Variants in BRCC3 observed in about 807,000 individuals in gnomAD.
BRCC3 encodes lys-63-specific deubiquitinase BRCC36.
BRCC3 carries 15 observed loss-of-function variants against 28.0 expected under a neutral mutation model. That is an observed-to-expected ratio of 0.54 (90% CI 0.36 to 0.82). The LOEUF is 0.82. BRCC3 is among the 40% of genes least tolerant of loss of function. The probability of loss-of-function intolerance (pLI) is 0.01; values close to 1 mark genes in which losing one functional copy is unlikely to be tolerated. For missense variants in BRCC3, 109 were observed against 225.9 expected, an observed-to-expected ratio of 0.48 and a Z score of 3.32; for synonymous variants, 66 against 80.3, an observed-to-expected ratio of 0.82 and a Z score of 0.95.
intron 7 of BRCC3, among the ~76,000 whole-genome samples, chrX:155,094,134 A>G (rs2074193790): frequency 9.1e-6 from 1 of 110,404 alleles, no homozygotes; most frequent in East Asian, 2.8e-4. Flanking sequence ...GTGGTAGCTC[A>G]TTATTTGTGG....
chrX:155,079,387 C>A (rs1261686003), intron 5 of BRCC3, among the ~76,000 whole-genome samples: 5 of 111,722 alleles, frequency 4.5e-5, no homozygotes, highest in Non-Finnish European at 9.4e-5. Context: ...GTCTGCTCTT[C>A]CCACTGTGCT....
At chrX:155,076,395 A>G (rs184233082) in intron 3 of BRCC3, among the ~76,000 whole-genome samples, 219 of 108,365 alleles carry the variant, frequency 2.0e-3, no homozygotes, top group African/African-American at 7.5e-3. Flanking sequence ...TCAAAAACAA[A>G]AAAACAAAAA....
intron 5 of BRCC3, among the ~76,000 whole-genome samples, chrX:155,089,009 G>T (rs2074155252): frequency 9.0e-6 from 1 of 111,613 alleles, no homozygotes; most frequent in Non-Finnish European, 1.9e-5. Context: ...AGCTACTCTT[G>T]GGCTAGGCAG....
At chrX:155,086,277 G>C (rs1223412724) in intron 5 of BRCC3, among the ~76,000 whole-genome samples, 1 of 111,421 alleles carries the variant, frequency 9.0e-6, no homozygotes, top group Non-Finnish European at 1.9e-5. Flanking sequence ...GTCCAGAGTG[G>C]CTTTTAACAG....
rs144229107 is a variant in BRCC3 at position 155,111,904 on chromosome X, A to G, written c.549-4153A>G. Among the ~76,000 whole-genome samples, 644 of 111,868 alleles carry G rather than the reference A, an allele frequency of 5.8e-3. 5 individuals carry two copies. Among genetic ancestry groups the G allele is most frequent in the Non-Finnish European group, 9.6e-3 (506 of 52,962 alleles). ...GAATATGTTCCAAGAACCCCAGTGG[A>G]GGCCTGAAACCACAGATAGTACTGA... is the stretch of plus-strand genomic sequence containing the variant. On this transcript the variant is annotated intron_variant, in intron 7 of 10. Coordinates refer to ENST00000330045, the MANE Select transcript of BRCC3 (RefSeq NM_001018055.3).
intron 5 of BRCC3, among the ~76,000 whole-genome samples, chrX:155,081,227 A>G (rs2074083070): frequency 9.2e-6 from 1 of 108,612 alleles, no homozygotes; most frequent in African/African-American, 3.4e-5. Flanking sequence ...GTTACTGGGG[A>G]GGCTAAGGCA....
chrX:155,090,560 T>C (rs782617783), intron 6 of BRCC3, among the ~76,000 whole-genome samples: 1 of 112,136 alleles, frequency 8.9e-6, no homozygotes, highest in South Asian at 3.7e-4. Context: ...AGGTTCCTGG[T>C]TCTTGTGTTT....
intron 9 of BRCC3, among the ~76,000 whole-genome samples, chrX:155,118,460 A>G (rs1233032331): frequency 8.9e-6 from 1 of 111,936 alleles, no homozygotes; most frequent in East Asian, 2.8e-4. Context: ...TGGAAATGGT[A>G]TGTATCTTGA....
chrX:155,104,292 T>A (rs1241854342), intron 7 of BRCC3, among the ~76,000 whole-genome samples: 1 of 111,774 alleles, frequency 8.9e-6, no homozygotes, highest in Admixed American at 9.5e-5. Context: ...TATATTTGTA[T>A]TCCTAAAAAT....
At chrX:155,107,087 A>C in intron 7 of BRCC3, among the ~76,000 whole-genome samples, 1 of 109,735 alleles carries the variant, frequency 9.1e-6, no homozygotes, top group Non-Finnish European at 1.9e-5. Context: ...ATTTTTATTT[A>C]GTTATTTTTT....
chrX:155,075,670 T>C (rs1001297703), intron 3 of BRCC3, among the ~76,000 whole-genome samples: 20 of 112,563 alleles, frequency 1.8e-4, no homozygotes, highest in African/African-American at 6.1e-4. Flanking sequence ...TTCTTTTTAA[T>C]GGGTCTCAAA....
chrX:155,098,567 G>T (rs984167149), intron 7 of BRCC3, among the ~76,000 whole-genome samples: 9 of 112,000 alleles, frequency 8.0e-5, no homozygotes, highest in Admixed American at 6.6e-4. Context: ...CGTTTTATTG[G>T]AATATAGCCA....
chrX:155,079,059 A>G (rs1557293948), intron 5 of BRCC3: 1 of 135,398 alleles, frequency 7.4e-6, no homozygotes, highest in African/African-American at 3.2e-5. Context: ...GGGGCTCTCA[A>G]TATACATCTT....
intron 7 of BRCC3, among the ~76,000 whole-genome samples, chrX:155,093,612 T>C (rs1225525135): frequency 3.8e-5 from 4 of 105,000 alleles, no homozygotes; most frequent in Non-Finnish European, 7.9e-5. Flanking sequence ...TTCAAGTCCA[T>C]GAGACAGGAT....
chrX:155,095,591 G>T (rs1009689309), intron 7 of BRCC3, among the ~76,000 whole-genome samples: 1 of 111,816 alleles, frequency 8.9e-6, no homozygotes, highest in South Asian at 3.8e-4. Context: ...ATGAGCCACC[G>T]TGCCCAGCCA....
rs1557293454 is a variant in BRCC3, at chrX:155,075,381, T to TG, written c.196-1789_196-1788insG. 3.0e-4 allele frequency among the ~76,000 whole-genome samples: 20 copies of TG among 67,231 alleles called. 1 individual carries two copies. Among genetic ancestry groups the TG allele is most frequent in the Admixed American group, 2.6e-3 (17 of 6,596 alleles). 58.4% of individuals were successfully genotyped at this position (67,231 alleles called of 115,157 possible). ...TCTGCTCCCTTTCTCCACACCTTTT[T>TG]TGTCCACTCATAAATGCTTTATTGA... On this transcript the variant is annotated intron_variant, in intron 3 of 10. Coordinates refer to ENST00000330045, the MANE Select transcript of BRCC3 (RefSeq NM_001018055.3).
At chrX:155,114,014 T>G (rs1382906987) in intron 7 of BRCC3, among the ~76,000 whole-genome samples, 1 of 111,454 alleles carries the variant, frequency 9.0e-6, no homozygotes, top group Admixed American at 9.5e-5. Context: ...CCTTGTACAT[T>G]ATTGTTGAGA....
intron 9 of BRCC3, 102 bp downstream of exon 9, chrX:155,116,856 A>G (rs2074359998): frequency 3.2e-5 from 18 of 567,347 alleles, no homozygotes; most frequent in Non-Finnish European, 5.1e-5. Flanking sequence ...AGTGATGGGT[A>G]CAAGTTGTCT....
intron 5 of BRCC3, among the ~76,000 whole-genome samples, chrX:155,080,617 A>G (rs957336054): frequency 8.9e-6 from 1 of 112,599 alleles, no homozygotes; most frequent in Non-Finnish European, 1.9e-5. Context: ...TAGAATATGC[A>G]ATAAGGGCTA....
Sources: gnomAD v4.1 joint callset for allele counts (sites outside exome capture counted in the v4.1 genomes callset) on GRCh38, gnomAD v4.1.1 for gene constraint, MANE v1.5 for transcripts, NCBI Gene and HGNC (gene_info 2026-07-23, HGNC 2026-07-21) for gene names.